SLC24A2: variants seen among roughly 807,000 people sequenced by gnomAD.
The protein encoded by SLC24A2 is solute carrier family 24 member 2, also known as sodium/potassium/calcium exchanger 2.
In SLC24A2, 36 loss-of-function variants were observed where a neutral mutation model predicts 62.0. The ratio of observed to expected loss-of-function variants is 0.58; its 90% CI spans 0.44 to 0.77. The LOEUF (loss-of-function observed/expected upper bound fraction) is 0.77. Among genes scored for constraint, SLC24A2 ranks in the 30% least tolerant of loss-of-function variants. The pLI is 0.00. For synonymous variants in SLC24A2, 358 were observed against 294.0 expected, an observed-to-expected ratio of 1.22 and a Z score of -2.23; for missense variants, 846 against 817.9, an observed-to-expected ratio of 1.03 and a Z score of -0.42.
the SLC24A2 span, among the ~76,000 whole-genome samples, chr9:20,023,627 G>A: frequency 6.6e-6 from 1 of 152,162 alleles, no homozygotes; most frequent in Non-Finnish European, 1.5e-5. Context: ...TGCTTAGAAA[G>A]AGCACTCATA....
chr9:19,734,557 T>C (rs1281468718), intron 2 of SLC24A2, among the ~76,000 whole-genome samples: 3 of 152,188 alleles, frequency 2.0e-5, no homozygotes, highest in Admixed American at 2.0e-4. Context: ...CCTCTTTTAC[T>C]TCGTTGAGCA....
At chr9:19,741,401 G>T (rs952516618) in intron 2 of SLC24A2, among the ~76,000 whole-genome samples, 3 of 152,176 alleles carry the variant, frequency 2.0e-5, no homozygotes, top group Non-Finnish European at 4.4e-5. Flanking sequence ...CGTCCCAGAG[G>T]TTGCATTGCC....
At chr9:20,209,790 A>G in the SLC24A2 span, among the ~76,000 whole-genome samples, 3 of 152,208 alleles carry the variant, frequency 2.0e-5, no homozygotes, top group Non-Finnish European at 4.4e-5. Flanking sequence ...TACCTAATCC[A>G]CAGTGGAACA....
chr9:19,604,326 A>C (rs1836925412), intron 4 of SLC24A2, among the ~76,000 whole-genome samples: 1 of 152,194 alleles, frequency 6.6e-6, no homozygotes, highest in South Asian at 2.1e-4. Flanking sequence ...CATCATGCAG[A>C]AGAGCCATCA....
chr9:19,840,357 G>C, the SLC24A2 span, among the ~76,000 whole-genome samples: 1 of 151,676 alleles, frequency 6.6e-6, no homozygotes, highest in Non-Finnish European at 1.5e-5. Context: ...AGAAATAACA[G>C]GATTAGAAAA....
At chr9:19,751,354 T>G (rs1012385311) in intron 2 of SLC24A2, among the ~76,000 whole-genome samples, 7 of 152,164 alleles carry the variant, frequency 4.6e-5, no homozygotes, top group African/African-American at 1.7e-4. Context: ...ATATAGTTAG[T>G]AAACCGGTGG....
the SLC24A2 span, among the ~76,000 whole-genome samples, chr9:20,094,190 C>T: frequency 1.3e-5 from 2 of 152,276 alleles, no homozygotes; most frequent in African/African-American, 4.8e-5. Context: ...GGGAAATACT[C>T]ATAAGGCACT....
chr9:19,977,289 C>A, the SLC24A2 span, among the ~76,000 whole-genome samples: 8 of 151,978 alleles, frequency 5.3e-5, no homozygotes, highest in Non-Finnish European at 1.0e-4. Flanking sequence ...AAATAAAAAG[C>A]GCTTAAAATG....
chr9:19,802,135 T>TA, the SLC24A2 span, among the ~76,000 whole-genome samples: 1 of 152,236 alleles, frequency 6.6e-6, no homozygotes, highest in Non-Finnish European at 1.5e-5. Flanking sequence ...CAACCCCTGA[T>TA]ATATGGGCCA....
chr9:19,967,973 C>T, the SLC24A2 span: 2 of 152,138 alleles, frequency 1.3e-5, no homozygotes, highest in South Asian at 4.1e-4. Context: ...ACTTCAGGGG[C>T]AGTGTCAGAG....
At chr9:19,572,624 C>A (rs752962780) in intron 7 of SLC24A2, among the ~76,000 whole-genome samples, 73 of 152,280 alleles carry the variant, frequency 4.8e-4, no homozygotes, top group African/African-American at 1.6e-3. Flanking sequence ...GTCATGCTTC[C>A]TGTTGAGCCT....
chr9:19,803,246 A>G, the SLC24A2 span, among the ~76,000 whole-genome samples: 2 of 152,230 alleles, frequency 1.3e-5, no homozygotes, highest in African/African-American at 4.8e-5. Flanking sequence ...AAAACATAAG[A>G]CAGTAAAATT....
chr9:20,306,511 A>T, the SLC24A2 span, among the ~76,000 whole-genome samples: 2 of 152,204 alleles, frequency 1.3e-5, no homozygotes, highest in African/African-American at 2.4e-5. Flanking sequence ...TTAGCTGCAC[A>T]TTCTTGCCTG....
At chr9:19,686,256 A>G (rs764078949) in intron 2 of SLC24A2, among the ~76,000 whole-genome samples, 3 of 152,184 alleles carry the variant, frequency 2.0e-5, no homozygotes, top group Non-Finnish European at 4.4e-5. Flanking sequence ...AAAGTAAAAA[A>G]TAACATGCTG....
the SLC24A2 span, among the ~76,000 whole-genome samples, chr9:20,190,666 C>T: frequency 1.3e-5 from 2 of 152,224 alleles, no homozygotes. Context: ...TGAACCTGGT[C>T]TGTTGGACTC....
chr9:19,550,791 A>G (rs1355043001), intron 7 of SLC24A2, among the ~76,000 whole-genome samples: 1 of 151,744 alleles, frequency 6.6e-6, no homozygotes, highest in East Asian at 1.9e-4. Flanking sequence ...AAGAGAGATT[A>G]ACTTCCCACT....
chr9:19,764,252 G>T (rs4977322), intron 2 of SLC24A2, among the ~76,000 whole-genome samples: 146,771 of 152,280 alleles, frequency 0.96, 70,975 homozygotes, highest in East Asian at 1. Flanking sequence ...GTTAATCTTT[G>T]CAAAAAACCA....
the SLC24A2 span, among the ~76,000 whole-genome samples, chr9:20,303,040 T>C: frequency 6.6e-6 from 1 of 152,208 alleles, no homozygotes; most frequent in South Asian, 2.1e-4. Flanking sequence ...AGTACCACTT[T>C]ACCCTCTTAC....
the SLC24A2 span, among the ~76,000 whole-genome samples, chr9:19,930,568 A>C: frequency 6.6e-6 from 1 of 152,206 alleles, no homozygotes; most frequent in Non-Finnish European, 1.5e-5. Flanking sequence ...CTCAGTGGCC[A>C]TCTGGCTCAG....
Sources: gnomAD v4.1 joint callset for allele counts (sites outside exome capture counted in the v4.1 genomes callset) on GRCh38, gnomAD v4.1.1 for gene constraint, MANE v1.5 for transcripts, NCBI Gene and HGNC (gene_info 2026-07-23, HGNC 2026-07-21) for gene names.